RAB11FIP4: variants seen among roughly 807,000 people sequenced by gnomAD.
The protein encoded by RAB11FIP4 is rab11 family-interacting protein 4.
RAB11FIP4 carries 23 observed loss-of-function variants against 74.3 expected under a neutral mutation model. That is an observed-to-expected ratio of 0.31 (90% confidence interval 0.22 to 0.44). The LOEUF is 0.44. Among genes scored for constraint, RAB11FIP4 ranks in the 20% least tolerant of loss-of-function variants. The pLI is 1.00. For missense variants in RAB11FIP4, 630 were observed against 863.9 expected, an observed-to-expected ratio of 0.73 and a Z score of 3.39; for synonymous variants, 360 against 359.9, an observed-to-expected ratio of 1.00 and a Z score of 0.00.
intron 3 of RAB11FIP4, among the ~76,000 whole-genome samples, chr17:31,514,759 T>C (rs1227735856): frequency 6.6e-6 from 1 of 152,234 alleles, no homozygotes; most frequent in East Asian, 1.9e-4. Flanking sequence ...CTGGTCTCCC[T>C]CCTGCCTTGT....
intron 3 of RAB11FIP4, among the ~76,000 whole-genome samples, chr17:31,503,956 G>T (rs1285623705): frequency 6.7e-6 from 1 of 149,586 alleles, no homozygotes; most frequent in African/African-American, 2.6e-5. Flanking sequence ...TATGAAAGGT[G>T]CTCAACATCA....
chr17:31,395,922 C>T (rs1255924237), intron 1 of RAB11FIP4, among the ~76,000 whole-genome samples: 1 of 152,056 alleles, frequency 6.6e-6, no homozygotes, highest in Non-Finnish European at 1.5e-5. Flanking sequence ...TGGCTCATGC[C>T]GGTAATCCTA....
intron 7 of RAB11FIP4, 167 bp from the exon 8 acceptor site, chr17:31,523,345 G>T (rs1033034384): frequency 4.6e-6 from 3 of 656,278 alleles, no homozygotes; most frequent in Non-Finnish European, 8.3e-6. Flanking sequence ...TCTGGGCGGG[G>T]TGATCCGCTG....
At chr17:31,530,576 G>C (rs1203352540) in intron 14 of RAB11FIP4, 107 bp downstream of exon 14, 16 of 1,422,650 alleles carry the variant, frequency 1.1e-5, no homozygotes, top group Non-Finnish European at 1.4e-5. Flanking sequence ...GCCTGGCAGA[G>C]AGTCCCATCT....
At chr17:31,408,862 C>T (rs1015825524) in intron 1 of RAB11FIP4, among the ~76,000 whole-genome samples, 6 of 152,028 alleles carry the variant, frequency 3.9e-5, no homozygotes, top group African/African-American at 1.2e-4. Flanking sequence ...CTGAAGAGGT[C>T]GAGGCTGGTG....
chr17:31,447,193 A>G (rs990859194), intron 3 of RAB11FIP4, among the ~76,000 whole-genome samples: 9 of 152,240 alleles, frequency 5.9e-5, no homozygotes, highest in Admixed American at 1.3e-4. Context: ...CTGAGGCAGG[A>G]GAATGGCGTG....
intron 13 of RAB11FIP4, among the ~76,000 whole-genome samples, chr17:31,530,081 G>C (rs942227313): frequency 3.3e-5 from 5 of 152,248 alleles, no homozygotes; most frequent in Non-Finnish European, 5.9e-5. Context: ...GCTGAGCAGG[G>C]CTGTAACTCC....
chr17:31,421,075 A>C (rs999166056), intron 1 of RAB11FIP4, among the ~76,000 whole-genome samples: 3 of 151,884 alleles, frequency 2.0e-5, no homozygotes, highest in Non-Finnish European at 4.4e-5. Context: ...CAAGAGCAAA[A>C]CTCCATCTCA....
intron 3 of RAB11FIP4, among the ~76,000 whole-genome samples, chr17:31,435,916 C>T (rs1425325818): frequency 7.9e-5 from 12 of 152,266 alleles, no homozygotes; most frequent in Admixed American, 7.8e-4. Context: ...GGCCCATGCC[C>T]ATGCCAGCAG....
intron 1 of RAB11FIP4, among the ~76,000 whole-genome samples, chr17:31,419,178 AT>A (rs2071175747): frequency 6.6e-6 from 1 of 152,072 alleles, no homozygotes; most frequent in South Asian, 2.1e-4. Context: ...TGCTGTGGAC[AT>A]TTTTGTGCAG....
At chr17:31,411,960 C>T (rs543408330) in intron 1 of RAB11FIP4, among the ~76,000 whole-genome samples, 10 of 152,210 alleles carry the variant, frequency 6.6e-5, no homozygotes, top group Non-Finnish European at 1.5e-4. Flanking sequence ...CTGGGAGGGC[C>T]GCAGCCAGGC....
chr17:31,392,072 C>G (rs1306932671), intron 1 of RAB11FIP4, 61 bp downstream of exon 1: 3 of 1,141,916 alleles, frequency 2.6e-6, no homozygotes, highest in African/African-American at 1.6e-5. Flanking sequence ...CCGCCCCTCC[C>G]CCAGCTCCCC....
At chr17:31,409,259 T>C (rs2071070901) in intron 1 of RAB11FIP4, among the ~76,000 whole-genome samples, 1 of 152,310 alleles carries the variant, frequency 6.6e-6, no homozygotes, top group South Asian at 2.1e-4. Context: ...AATATTCTTT[T>C]GCATATTAAT....
At chr17:31,487,912 TG>T (rs1002806585) in intron 3 of RAB11FIP4, 11 of 424,456 alleles carry the variant, frequency 2.6e-5, no homozygotes, top group Non-Finnish European at 3.1e-5. Context: ...CGGGGTTACC[TG>T]GGCCCCGCCC....
intron 3 of RAB11FIP4, among the ~76,000 whole-genome samples, chr17:31,451,834 C>T: frequency 6.6e-6 from 1 of 152,062 alleles, no homozygotes; most frequent in South Asian, 2.1e-4. Context: ...CCCACCCTGC[C>T]CCCATCACTG....
chr17:31,503,042 GT>G (rs1294732203), intron 3 of RAB11FIP4, among the ~76,000 whole-genome samples: 1 of 146,208 alleles, frequency 6.8e-6, no homozygotes, highest in African/African-American at 2.6e-5. Flanking sequence ...TTATTTTGTT[GT>G]TTGTTTTAAG....
chr17:31,401,649 G>A (rs2151614929), intron 1 of RAB11FIP4, among the ~76,000 whole-genome samples: 1 of 152,352 alleles, frequency 6.6e-6, no homozygotes, highest in East Asian at 1.9e-4. Flanking sequence ...CCTCCAAAGT[G>A]TTTGCTGATG....
intron 3 of RAB11FIP4, among the ~76,000 whole-genome samples, chr17:31,514,042 C>T (rs2072500962): frequency 6.6e-6 from 1 of 152,204 alleles, no homozygotes; most frequent in Admixed American, 6.5e-5. Flanking sequence ...AAGGGCTGGG[C>T]AGATGTGGAC....
intron 1 of RAB11FIP4, among the ~76,000 whole-genome samples, chr17:31,409,280 C>G (rs2071071210): frequency 6.6e-6 from 1 of 152,188 alleles, no homozygotes. Context: ...AAAGACCACC[C>G]CCTCTCCGCT....
Sources: gnomAD v4.1 joint callset for allele counts (sites outside exome capture counted in the v4.1 genomes callset) on GRCh38, gnomAD v4.1.1 for gene constraint, MANE v1.5 for transcripts, NCBI Gene and HGNC (gene_info 2026-07-23, HGNC 2026-07-21) for gene names.